The following LPP variants were observed in gnomAD, a reference collection of about 807,000 sequenced individuals.
LPP encodes the protein lipoma-preferred partner.
Under a neutral mutation model 60.4 loss-of-function variants are expected in LPP, and 38 were observed. The ratio of observed to expected loss-of-function variants is 0.63; its 90% CI spans 0.49 to 0.83. The LOEUF (loss-of-function observed/expected upper bound fraction) is 0.83. Among genes scored for constraint, LPP ranks in the 40% least tolerant of loss-of-function variants. The pLI is 0.00. For missense variants in LPP, 902 were observed against 783.6 expected (o/e 1.15, Z -1.80); for synonymous variants, 328 against 290.8 (o/e 1.13, Z -1.30).
At chr3:188,669,312 C>G (rs980421145) in intron 7 of LPP, among the ~76,000 whole-genome samples, 1 of 152,166 alleles carries the variant, frequency 6.6e-6, no homozygotes, top group Non-Finnish European at 1.5e-5. Flanking sequence ...CATGATGGCT[C>G]ACACCTGTAA....
chr3:188,203,003 G>C (rs748211521), intron 1 of LPP, among the ~76,000 whole-genome samples: 5 of 148,872 alleles, frequency 3.4e-5, no homozygotes, highest in Non-Finnish European at 7.4e-5. Context: ...ATATATATTT[G>C]CTGGCAAAAA....
chr3:188,278,807 A>G (rs966932301), intron 2 of LPP, among the ~76,000 whole-genome samples: 3 of 152,148 alleles, frequency 2.0e-5, no homozygotes, highest in African/African-American at 7.2e-5. Flanking sequence ...CTTCTGGTAG[A>G]TGATGGTGGA....
At chr3:188,546,211 G>A (rs763380952) in intron 6 of LPP, among the ~76,000 whole-genome samples, 11 of 152,048 alleles carry the variant, frequency 7.2e-5, no homozygotes, top group Non-Finnish European at 1.3e-4. Flanking sequence ...GCAGAGTTCA[G>A]GTTCAAAACC....
intron 3 of LPP, among the ~76,000 whole-genome samples, chr3:188,378,134 G>A (rs1040550806): frequency 1.2e-4 from 18 of 152,234 alleles, no homozygotes; most frequent in Non-Finnish European, 2.5e-4. Context: ...GTGCCTCCCA[G>A]TTAGGCTACT....
chr3:188,526,448 C>T lies in LPP; in HGVS notation c.429+1661C>T, dbSNP rs9917698. ...CTGGGATTCCAGGTGCCTGCCACCA[C>T]GCCCAGCTAATTTTTGTATTTTAGT... On this transcript the variant is annotated intron_variant, in intron 6 of 11. Coordinates refer to ENST00000617246, the MANE Select transcript of LPP (RefSeq NM_001375462.1). 9.0e-3 allele frequency among the ~76,000 whole-genome samples: 1,365 copies of T among 152,164 alleles called. 15 individuals carry two copies. The highest frequency in any genetic ancestry group is 0.03 in the African/African-American group (1,236 of 41,492).
At chr3:188,379,531 A>G (rs1376799558) in intron 3 of LPP, among the ~76,000 whole-genome samples, 1 of 152,226 alleles carries the variant, frequency 6.6e-6, no homozygotes, top group Non-Finnish European at 1.5e-5. Flanking sequence ...AACCAAAACA[A>G]CAACAACAAC....
chr3:188,530,276 A>T (rs1346169121), intron 6 of LPP, among the ~76,000 whole-genome samples: 1 of 152,220 alleles, frequency 6.6e-6, no homozygotes, highest in Non-Finnish European at 1.5e-5. Context: ...TTTTGGAGTA[A>T]TGACTTTAGC....
At chr3:188,396,019 G>A (rs1310454968) in intron 3 of LPP, among the ~76,000 whole-genome samples, 2 of 152,134 alleles carry the variant, frequency 1.3e-5, no homozygotes, top group Non-Finnish European at 2.9e-5. Context: ...TAGTTCTGAT[G>A]TAGGATACAA....
intron 7 of LPP, among the ~76,000 whole-genome samples, chr3:188,647,731 C>A (rs1383247593): frequency 6.6e-6 from 1 of 152,204 alleles, no homozygotes; most frequent in Non-Finnish European, 1.5e-5. Flanking sequence ...CAAACACGTT[C>A]TTTGAAGAAG....
intron 1 of LPP, among the ~76,000 whole-genome samples, chr3:188,166,558 C>A (rs146031120): frequency 9.2e-5 from 14 of 152,124 alleles, no homozygotes; most frequent in Non-Finnish European, 7.3e-5. Context: ...AGTAGTCCTG[C>A]GGATGGTTAT....
At chr3:188,729,301 C>G (rs1040579682) in intron 8 of LPP, among the ~76,000 whole-genome samples, 4 of 152,102 alleles carry the variant, frequency 2.6e-5, no homozygotes, top group African/African-American at 9.7e-5. Flanking sequence ...GTCTGGAGTT[C>G]AGTGATAAAA....
intron 2 of LPP, among the ~76,000 whole-genome samples, chr3:188,282,354 A>G (rs1425188487): frequency 6.6e-6 from 1 of 152,124 alleles, no homozygotes; most frequent in Non-Finnish European, 1.5e-5. Flanking sequence ...TTGTGATAAC[A>G]TTGTCCAGCT....
At chr3:188,761,877 C>A (rs1010505760) in intron 9 of LPP, among the ~76,000 whole-genome samples, 1 of 151,960 alleles carries the variant, frequency 6.6e-6, no homozygotes, top group Non-Finnish European at 1.5e-5. Flanking sequence ...CAGACTAAAC[C>A]GGGTGTCATT....
chr3:188,878,775 A>AG lies in LPP; in HGVS notation c.*4297dup, dbSNP rs2152074732. 5.0e-6 allele frequency: 1 copy of AG among 199,496 alleles called. No individual in the cohort carries two copies. Among genetic ancestry groups the AG allele is most frequent in the East Asian group, 7.7e-5 (1 of 13,058 alleles). The allele number at this position is 199,496 out of a possible 1,614,324, so 12.4% of individuals were successfully genotyped here. A position where few individuals can be genotyped will look rare whatever the true frequency, so the allele number is the denominator to read the frequency against. ...GTAAAAAAGTAAAAAAAAAAAAAAA[A>AG]GAAAGAAAGAAAAGAAAGAGAGAGA... On this transcript the variant is annotated 3_prime_UTR_variant, in exon 12 of 12. Coordinates refer to ENST00000617246, the MANE Select transcript of LPP (RefSeq NM_001375462.1).
intron 6 of LPP, among the ~76,000 whole-genome samples, chr3:188,584,882 C>G (rs575194998): frequency 6.6e-6 from 1 of 152,136 alleles, no homozygotes; most frequent in African/African-American, 2.4e-5. Context: ...ATAAATTTAT[C>G]CCTCCCTGAA....
chr3:188,576,710 C>A (rs1466520883), intron 6 of LPP, among the ~76,000 whole-genome samples: 2 of 152,160 alleles, frequency 1.3e-5, no homozygotes, highest in Non-Finnish European at 2.9e-5. Flanking sequence ...ATATCGTAGG[C>A]ATATTTTGTC....
At chr3:188,511,462 C>G (rs1399424472) in intron 5 of LPP, among the ~76,000 whole-genome samples, 4 of 151,800 alleles carry the variant, frequency 2.6e-5, no homozygotes, top group Admixed American at 2.0e-4. Flanking sequence ...TAGAGCTTGG[C>G]TTTTCAATTG....
chr3:188,732,619 G>A (rs752099959), intron 8 of LPP, among the ~76,000 whole-genome samples: 3 of 149,312 alleles, frequency 2.0e-5, no homozygotes, highest in Non-Finnish European at 3.0e-5. Flanking sequence ...TTGGGAGGCT[G>A]AGACAGGAGA....
chr3:188,349,818 C>T (rs1284507630), intron 3 of LPP, among the ~76,000 whole-genome samples: 2 of 152,204 alleles, frequency 1.3e-5, no homozygotes, highest in African/African-American at 2.4e-5. Flanking sequence ...GGCCCTCGGC[C>T]AGCTGTTGAA....
Sources: allele counts gnomAD v4.1 joint callset (sites outside exome capture counted in the v4.1 genomes callset), GRCh38; gene constraint gnomAD v4.1.1; transcripts MANE v1.5; gene names NCBI Gene and HGNC (gene_info 2026-07-23, HGNC 2026-07-21).